The following PXYLP1 variants were observed in gnomAD, a reference collection of about 807,000 sequenced individuals.
PXYLP1 encodes 2-phosphoxylose phosphatase 1, also known as acid phosphatase-like 2.
In PXYLP1, 17 loss-of-function variants were observed where a neutral mutation model predicts 37.9. The observed-to-expected ratio is 0.45, with a 90% CI of 0.31 to 0.67. The LOEUF (loss-of-function observed/expected upper bound fraction) is 0.67, where lower values mean the gene tolerates loss of function less well. Among genes scored for constraint, PXYLP1 ranks in the 30% least tolerant of loss-of-function variants. The pLI is 0.07. For synonymous variants in PXYLP1, 221 were observed against 232.2 expected (o/e 0.95, Z 0.44); for missense variants, 511 against 612.0 (o/e 0.84, Z 1.74).
intron 1 of PXYLP1, among the ~76,000 whole-genome samples, chr3:141,245,907 A>G (rs1402792064): frequency 1.3e-5 from 2 of 152,184 alleles, no homozygotes; most frequent in Admixed American, 1.3e-4. Flanking sequence ...GGATAGAGAG[A>G]TTATGATGTT....
At chr3:141,253,123 A>G (rs941010052) in intron 1 of PXYLP1, among the ~76,000 whole-genome samples, 7 of 152,170 alleles carry the variant, frequency 4.6e-5, no homozygotes, top group Non-Finnish European at 1.0e-4. Flanking sequence ...TCCATCCTGC[A>G]GCTCAGTCAG....
intron 1 of PXYLP1, among the ~76,000 whole-genome samples, chr3:141,254,401 C>A (rs113795659): frequency 2.3e-4 from 35 of 152,320 alleles, no homozygotes; most frequent in African/African-American, 8.2e-4. Flanking sequence ...AATTGACTGA[C>A]TGAATGAATG....
In PXYLP1 at chr3:141,266,670, GGGGGGAGAGAGGGAGAGATGA is replaced by G. The variant is rs1480218170; in HGVS notation, c.79+6435_79+6455del. On this transcript the variant is annotated intron_variant, in intron 2 of 5. Coordinates refer to ENST00000286353, the MANE Select transcript of PXYLP1 (RefSeq NM_001037172.3). ...GAGGGAGAGAGGGAGAGAGAGAGAT[GGGGGGAGAGAGGGAGAGATGA>G]GGGGGAGAGAGGGAGAGACGGCGGG... is the stretch of plus-strand genomic sequence containing the variant. Among the ~76,000 whole-genome samples the G allele has an allele frequency of 4.5e-3, 660 of 145,254 alleles. 12 individuals are homozygous for G. Among genetic ancestry groups the G allele is most frequent in the African/African-American group, 0.016 (619 of 39,004 alleles).
chr3:141,268,536 A>T (rs540901850), intron 2 of PXYLP1, among the ~76,000 whole-genome samples: 165 of 152,306 alleles, frequency 1.1e-3, no homozygotes, highest in African/African-American at 3.7e-3. Flanking sequence ...TGATGACATT[A>T]AAAGGAGGAA....
Position 141,292,749 on chromosome 3 carries a change from C to G in PXYLP1, c.987C>G (p.Ile329Met), listed in dbSNP as rs750570807. Reference protein sequence around the residue: ...EHFKVIKTHQIEDERERREKK... With the variant: ...EHFKVIKTHQMEDERERREKK... The stretch of plus-strand genomic sequence containing the variant: ...TCAAGGTAATTAAGACCCATCAGAT[C>G]GAGGATGAAAGGGAAAGACGGGAGA... The change falls in exon 6 of 6, where the codon ATC becomes ATG. Residue 329 changes from isoleucine (I) to methionine (M), a missense_variant. Coordinates refer to ENST00000286353, the MANE Select transcript of PXYLP1 (RefSeq NM_001037172.3). This position sits in a 1 kb window ranked among gnomAD's most constrained non-coding sequence, Gnocchi z 4.3. 1 of 1,613,722 alleles carries G rather than the reference C, an allele frequency of 6.2e-7. No homozygotes were observed. Among genetic ancestry groups the G allele is most frequent in the Non-Finnish European group, 8.5e-7 (1 of 1,179,908 alleles).
chr3:141,276,230 A>G (rs954940087), intron 2 of PXYLP1, among the ~76,000 whole-genome samples: 38 of 152,326 alleles, frequency 2.5e-4, no homozygotes, highest in African/African-American at 7.7e-4. Context: ...TACGCAACTC[A>G]TGACTGTACG....
chr3:141,293,290 G>A lies in PXYLP1; in HGVS notation c.*85G>A. 5.2e-6 allele frequency: 7 copies of A among 1,338,822 alleles called. No individual in the cohort carries two copies. The highest frequency in any genetic ancestry group is 7.1e-6 in the Non-Finnish European group (7 of 989,530). 82.9% of individuals were successfully genotyped at this position (1,338,822 alleles called of 1,614,324 possible). ...CTTCTAGTTTTGTCTGTTACTAAGGGTAGAAGATTATTGCTTTTTAAAGGC... is the reference window on the plus strand; with the variant it reads ...CTTCTAGTTTTGTCTGTTACTAAGGATAGAAGATTATTGCTTTTTAAAGGC... On this transcript the variant is annotated 3_prime_UTR_variant, in exon 6 of 6. Coordinates refer to ENST00000286353, the MANE Select transcript of PXYLP1 (RefSeq NM_001037172.3).
intron 4 of PXYLP1, among the ~76,000 whole-genome samples, chr3:141,285,266 C>A (rs1942049408): frequency 6.8e-6 from 1 of 147,514 alleles, no homozygotes; most frequent in Non-Finnish European, 1.5e-5. Context: ...CCTGCTTTAG[C>A]CTCCTGAGTG....
At chr3:141,243,906 A>C (rs1940876411) in intron 1 of PXYLP1, among the ~76,000 whole-genome samples, 1 of 152,254 alleles carries the variant, frequency 6.6e-6, no homozygotes, top group South Asian at 2.1e-4. Flanking sequence ...ATTGTTTAAA[A>C]ATAATTTAAA....
chr3:141,282,137 C>T (rs1346482146), intron 4 of PXYLP1, among the ~76,000 whole-genome samples: 1 of 152,100 alleles, frequency 6.6e-6, no homozygotes, highest in Non-Finnish European at 1.5e-5. Flanking sequence ...TGCCCTTCCT[C>T]CACCCCTAAC....
chr3:141,251,302 G>A (rs1941134374), intron 1 of PXYLP1, among the ~76,000 whole-genome samples: 1 of 152,206 alleles, frequency 6.6e-6, no homozygotes, highest in Admixed American at 6.5e-5. Context: ...GCTTCCATCT[G>A]CATGGTGAAA....
Position 141,293,824 on chromosome 3 carries a change from T to TTGGCCCCTGGGCTGTAGTTTGC in PXYLP1, c.*622_*643dup, listed in dbSNP as rs1942290254. ...CGGACAAAACAGATGGTGACCAGATTTGGCCCCTGGGCTGTAGTTTGCTGA... is the reference window on the plus strand; with the variant it reads ...CGGACAAAACAGATGGTGACCAGATTTGGCCCCTGGGCTGTAGTTTGCTGGCCCCTGGGCTGTAGTTTGCTGA... On this transcript the variant is annotated 3_prime_UTR_variant, in exon 6 of 6. Coordinates refer to ENST00000286353, the MANE Select transcript of PXYLP1 (RefSeq NM_001037172.3). The TTGGCCCCTGGGCTGTAGTTTGC allele has an allele frequency of 6.6e-6, 1 of 152,332 alleles. No homozygotes were observed. The highest frequency in any genetic ancestry group is 2.4e-5 in the African/African-American group (1 of 41,438). The allele number at this position is 152,332 out of a possible 1,614,324, so 9.4% of individuals were successfully genotyped here.
intron 5 of PXYLP1, 99 bp downstream of exon 5, chr3:141,287,552 AG>A: frequency 2.1e-6 from 3 of 1,453,236 alleles, no homozygotes; most frequent in Non-Finnish European, 2.7e-6. Flanking sequence ...TGCAGCTCAG[AG>A]GGGGTAAGCA....
At chr3:141,282,784 G>A (rs1941984286) in intron 4 of PXYLP1, among the ~76,000 whole-genome samples, 1 of 152,206 alleles carries the variant, frequency 6.6e-6, no homozygotes, top group Non-Finnish European at 1.5e-5. Flanking sequence ...AGGTTGGACA[G>A]GGGTATGAAA....
chr3:141,288,303 T>C (rs888531844), intron 5 of PXYLP1, among the ~76,000 whole-genome samples: 1 of 152,242 alleles, frequency 6.6e-6, no homozygotes, highest in Non-Finnish European at 1.5e-5. Flanking sequence ...GTCTTCATCT[T>C]GCATCAGCAT....
chr3:141,255,266 G>T (rs1941239708), intron 1 of PXYLP1, among the ~76,000 whole-genome samples: 1 of 152,180 alleles, frequency 6.6e-6, no homozygotes, highest in African/African-American at 2.4e-5. Context: ...TCAATTTCTA[G>T]GTTTCAGATA....
intron 2 of PXYLP1, chr3:141,274,048 C>G: frequency 1.0e-6 from 1 of 987,058 alleles, no homozygotes; most frequent in Non-Finnish European, 1.2e-6. Context: ...CTGCTGTCAT[C>G]TGCCTGAGGT....
intron 1 of PXYLP1, among the ~76,000 whole-genome samples, chr3:141,249,110 C>T (rs568869948): frequency 2.6e-5 from 4 of 152,148 alleles, no homozygotes; most frequent in Admixed American, 6.5e-5. Context: ...GTGAGACAGC[C>T]GTGTTCTCAG....
intron 1 of PXYLP1, among the ~76,000 whole-genome samples, chr3:141,241,104 G>C (rs1435659386): frequency 6.6e-6 from 1 of 152,254 alleles, no homozygotes; most frequent in South Asian, 2.1e-4. Flanking sequence ...GGGGAGGAGA[G>C]GACACAACAA....
Sources: allele counts gnomAD v4.1 joint callset (sites outside exome capture counted in the v4.1 genomes callset), GRCh38; gene constraint gnomAD v4.1.1; non-coding constraint Gnocchi (gnomAD v3.1); transcripts MANE v1.5; gene names NCBI Gene and HGNC (gene_info 2026-07-23, HGNC 2026-07-21).